Variants in ADAM10 observed in about 807,000 individuals in gnomAD.
The protein encoded by ADAM10 is disintegrin and metalloproteinase domain-containing protein 10.
ADAM10 carries 17 observed loss-of-function variants against 90.1 expected under a neutral mutation model. That is an observed-to-expected ratio of 0.19 (90% CI 0.13 to 0.28). ADAM10 has a LOEUF of 0.28. Among genes scored for constraint, ADAM10 ranks in the 10% least tolerant of loss-of-function variants. The pLI is 1.00. For missense variants in ADAM10, 610 were observed against 914.3 expected, an observed-to-expected ratio of 0.67 and a Z score of 4.29; for synonymous variants, 310 against 298.6, an observed-to-expected ratio of 1.04 and a Z score of -0.40.
chr15:58,694,078 C>T (rs992235159), intron 2 of ADAM10, among the ~76,000 whole-genome samples: 2 of 152,192 alleles, frequency 1.3e-5, no homozygotes, highest in Non-Finnish European at 2.9e-5. Context: ...GTACCTGGAA[C>T]TCACACACTG....
At chr15:58,705,782 CCA>C (rs1374781043) in intron 2 of ADAM10, among the ~76,000 whole-genome samples, 2 of 152,124 alleles carry the variant, frequency 1.3e-5, no homozygotes, top group African/African-American at 4.8e-5. Flanking sequence ...TTTCAGTTAT[CCA>C]CAGTCAACTG....
intron 3 of ADAM10, 61 bp from the exon 4 acceptor site, chr15:58,679,343 CA>C: frequency 7.0e-7 from 1 of 1,425,756 alleles, no homozygotes; most frequent in Non-Finnish European, 9.9e-7. Context: ...TAAATTCATT[CA>C]TATATATGTA....
At chr15:58,601,505 T>G (rs1895109290) in intron 14 of ADAM10, among the ~76,000 whole-genome samples, 1 of 152,042 alleles carries the variant, frequency 6.6e-6, no homozygotes, top group Non-Finnish European at 1.5e-5. Context: ...CTTTTAAAAA[T>G]CTGGAAGCAC....
chr15:58,639,158 T>A (rs1896349907), intron 8 of ADAM10, among the ~76,000 whole-genome samples: 1 of 152,196 alleles, frequency 6.6e-6, no homozygotes, highest in African/African-American at 2.4e-5. Context: ...AAAATATTAA[T>A]GTGGTGCTTC....
rs117464946 is a variant in ADAM10, at chr15:58,639,563, C to A, written c.1012+1214G>T. 7.2e-4 allele frequency among the ~76,000 whole-genome samples: 109 copies of A among 152,170 alleles called. 2 individuals are homozygous for A. In the East Asian group the frequency reaches 0.015, roughly 20 times the overall value. ...AAGAGTGAGCTGTACAATCTGCTGA[C>A]TAATCCAAGTAACAAAAAAGTACAG... On this transcript the variant is annotated intron_variant, in intron 8 of 15. Transcript: ENST00000260408.
intron 4 of ADAM10, among the ~76,000 whole-genome samples, chr15:58,674,448 T>C (rs1897268260): frequency 6.6e-6 from 1 of 152,218 alleles, no homozygotes; most frequent in African/African-American, 2.4e-5. Context: ...CACAACTCAA[T>C]ATGCTTATGC....
At chr15:58,717,784 C>G in intron 1 of ADAM10, 57 bp from the exon 2 acceptor site, 1 of 1,574,400 alleles carries the variant, frequency 6.4e-7, no homozygotes, top group Non-Finnish European at 8.6e-7. Context: ...CCTTCTAGTT[C>G]TAACACGATT....
intron 11 of ADAM10, among the ~76,000 whole-genome samples, chr15:58,613,185 T>C (rs562620551): frequency 6.6e-6 from 1 of 152,152 alleles, no homozygotes; most frequent in Non-Finnish European, 1.5e-5. Flanking sequence ...CTACAGTTAT[T>C]GATGATGTTG....
intron 11 of ADAM10, among the ~76,000 whole-genome samples, chr15:58,613,910 G>A (rs575050720): frequency 5.4e-4 from 83 of 152,310 alleles, no homozygotes; most frequent in Non-Finnish European, 9.6e-4. Context: ...GAGCCCAGGA[G>A]TTCAAGATCA....
intron 1 of ADAM10, among the ~76,000 whole-genome samples, chr15:58,738,240 C>T (rs1899493771): frequency 6.6e-6 from 1 of 152,172 alleles, no homozygotes; most frequent in Non-Finnish European, 1.5e-5. Context: ...ATGTCATAGG[C>T]ATCATACTGT....
At chr15:58,646,640 A>G (rs1190672286) in intron 5 of ADAM10, among the ~76,000 whole-genome samples, 1 of 152,218 alleles carries the variant, frequency 6.6e-6, no homozygotes, top group East Asian at 1.9e-4. Context: ...GTACTGCAGT[A>G]AGATCAGTTT....
At chr15:58,649,574 G>C (rs1253777213) in intron 5 of ADAM10, among the ~76,000 whole-genome samples, 1 of 152,182 alleles carries the variant, frequency 6.6e-6, no homozygotes, top group Non-Finnish European at 1.5e-5. Context: ...TCTGAGTAGA[G>C]CATCCTAGAG....
In ADAM10 at chr15:58,630,890, G is replaced by A. The variant is rs568240669; in HGVS notation, c.1176+2306C>T. ...TCCCCCCAAATTTGATCCCAAAGTT[G>A]TTAGTGGGCCTAACAAGAGAGGTCT... is the stretch of plus-strand genomic sequence containing the variant. On this transcript the variant is annotated intron_variant, in intron 9 of 15. Coordinates refer to ENST00000260408, the MANE Select transcript of ADAM10 (RefSeq NM_001110.4). Among the ~76,000 whole-genome samples, 9 of 152,148 alleles carry A rather than the reference G, an allele frequency of 5.9e-5. No homozygotes were observed. The South Asian group carries it at 1.0e-3, about 18-fold the overall frequency.
intron 14 of ADAM10, among the ~76,000 whole-genome samples, chr15:58,606,046 A>G (rs567006827): frequency 6.6e-6 from 1 of 152,274 alleles, no homozygotes; most frequent in Admixed American, 6.5e-5. Flanking sequence ...AGACCTCCAG[A>G]AAGTCAACCA....
At chr15:58,703,291 C>CAAAAAAAAAAAAAA in intron 2 of ADAM10, among the ~76,000 whole-genome samples, 1 of 76,394 alleles carries the variant, frequency 1.3e-5, no homozygotes, top group East Asian at 3.1e-4. Context: ...GGTATTCCCT[C>CAAAAAAAAAAAAAA]AAAAAAAAAA....
chr15:58,748,610 C>T (rs1463015586), intron 1 of ADAM10: 2 of 258,492 alleles, frequency 7.7e-6, no homozygotes, highest in African/African-American at 2.2e-5. Context: ...ACTAACTACA[C>T]TGTACATCTA....
At chr15:58,650,652 T>C (rs1224058638) in intron 5 of ADAM10, among the ~76,000 whole-genome samples, 11 of 152,152 alleles carry the variant, frequency 7.2e-5, no homozygotes, top group African/African-American at 2.7e-4. Flanking sequence ...AGTATCACCA[T>C]TCTAGCTGTA....
intron 1 of ADAM10, among the ~76,000 whole-genome samples, chr15:58,746,093 T>C (rs1899782848): frequency 1.3e-5 from 2 of 152,328 alleles, no homozygotes; most frequent in Middle Eastern, 3.4e-3. Flanking sequence ...AAAAGCTTAT[T>C]AGGGTTTAAG....
intron 2 of ADAM10, among the ~76,000 whole-genome samples, chr15:58,710,859 G>T (rs1898450642): frequency 1.3e-5 from 2 of 152,096 alleles, no homozygotes; most frequent in Admixed American, 1.3e-4. Flanking sequence ...CTGCTGGTTT[G>T]TCTACAGATT....
Sources: gnomAD v4.1 joint callset for allele counts (sites outside exome capture counted in the v4.1 genomes callset) on GRCh38, gnomAD v4.1.1 for gene constraint, MANE v1.5 for transcripts, NCBI Gene and HGNC (gene_info 2026-07-23, HGNC 2026-07-21) for gene names.